Variants in ATXN7L1 observed in about 807,000 individuals in gnomAD.
ATXN7L1 encodes the protein ataxin-7-like protein 1.
Under a neutral mutation model 70.8 loss-of-function variants are expected in ATXN7L1, and 15 were observed. That is an observed-to-expected ratio of 0.21 (90% CI 0.14 to 0.33). The LOEUF (loss-of-function observed/expected upper bound fraction) is 0.33, where lower values mean the gene tolerates loss of function less well. Among genes scored for constraint, ATXN7L1 ranks in the 10% least tolerant of loss-of-function variants. The pLI, the probability that ATXN7L1 is intolerant of heterozygous loss-of-function variation, is 1.00. For synonymous variants in ATXN7L1, 440 were observed against 445.1 expected (o/e 0.99, Z 0.14); for missense variants, 975 against 1,097.1 (o/e 0.89, Z 1.57).
intron 4 of ATXN7L1, among the ~76,000 whole-genome samples, chr7:105,656,045 C>T (rs1253763560): frequency 1.3e-5 from 2 of 152,258 alleles, no homozygotes; most frequent in Non-Finnish European, 2.9e-5. Context: ...GGCAACAAGC[C>T]ATCCAGGGGA....
At chr7:105,696,906 C>G (rs2116222177) in intron 3 of ATXN7L1, among the ~76,000 whole-genome samples, 1 of 152,284 alleles carries the variant, frequency 6.6e-6, no homozygotes, top group East Asian at 1.9e-4. Flanking sequence ...AATTTTAAAG[C>G]TGGGCGTCCG....
At chr7:105,860,223 G>T (rs367835640) in intron 2 of ATXN7L1, among the ~76,000 whole-genome samples, 3 of 146,250 alleles carry the variant, frequency 2.1e-5, no homozygotes, top group African/African-American at 7.6e-5. Context: ...TCATGGTACC[G>T]TTATTTCAAC....
At chr7:105,853,508 C>G (rs992269354) in intron 2 of ATXN7L1, among the ~76,000 whole-genome samples, 4 of 149,856 alleles carry the variant, frequency 2.7e-5, no homozygotes, top group Non-Finnish European at 5.9e-5. Flanking sequence ...GAGCAGAGAT[C>G]GCACCATTAC....
intron 3 of ATXN7L1, among the ~76,000 whole-genome samples, chr7:105,692,407 T>TTCCTTCCTTCCTTCCTTCCC (rs1554431619): frequency 4.9e-5 from 4 of 82,258 alleles, no homozygotes; most frequent in African/African-American, 1.7e-4. Context: ...CCTTCCTTCC[T>TTCCTTCCTTCCTTCCTTCCC]TCCTTCCTTC....
intron 1 of ATXN7L1, 21 bp from the exon 2 acceptor site, chr7:105,875,901 G>T: frequency 6.2e-7 from 1 of 1,608,456 alleles, no homozygotes; most frequent in African/African-American, 1.3e-5. Context: ...AAAAGAAAAG[G>T]AAAACAGAAA....
intron 3 of ATXN7L1, among the ~76,000 whole-genome samples, chr7:105,752,699 A>G (rs1055390769): frequency 1.3e-5 from 2 of 152,224 alleles, no homozygotes; most frequent in Non-Finnish European, 2.9e-5. Flanking sequence ...TTTCATCGCA[A>G]GAAGAGCATA....
intron 2 of ATXN7L1, among the ~76,000 whole-genome samples, chr7:105,837,783 C>A (rs1300802103): frequency 1.3e-5 from 2 of 152,168 alleles, no homozygotes; most frequent in Non-Finnish European, 2.9e-5. Flanking sequence ...TCCCTGGCCA[C>A]CCTTCTCCAC....
At chr7:105,665,904 C>A (rs751958836) in intron 3 of ATXN7L1, among the ~76,000 whole-genome samples, 1 of 152,166 alleles carries the variant, frequency 6.6e-6, no homozygotes, top group African/African-American at 2.4e-5. Flanking sequence ...AGGATGTCAA[C>A]GCTTGAGGCA....
chr7:105,791,040 G>A (rs1346533291), intron 2 of ATXN7L1, among the ~76,000 whole-genome samples: 1 of 152,248 alleles, frequency 6.6e-6, no homozygotes, highest in East Asian at 1.9e-4. Context: ...CAGGCTCTGT[G>A]CTGCATTCCC....
chr7:105,670,511 T>C (rs939773216), intron 3 of ATXN7L1, among the ~76,000 whole-genome samples: 1 of 152,252 alleles, frequency 6.6e-6, no homozygotes, highest in African/African-American at 2.4e-5. Flanking sequence ...AATCAATGGA[T>C]ATTTTGGACT....
At chr7:105,778,723 T>C (rs1803127877) in intron 3 of ATXN7L1, among the ~76,000 whole-genome samples, 1 of 152,266 alleles carries the variant, frequency 6.6e-6, no homozygotes, top group South Asian at 2.1e-4. Context: ...ATCTGCTCAT[T>C]TGTTGGGGAT....
At chr7:105,663,200 C>T (rs1188243880) in intron 4 of ATXN7L1, among the ~76,000 whole-genome samples, 2 of 152,192 alleles carry the variant, frequency 1.3e-5, no homozygotes, top group African/African-American at 2.4e-5. Context: ...TGGGCAAACA[C>T]CACTCTCCGG....
intron 7 of ATXN7L1, among the ~76,000 whole-genome samples, chr7:105,636,695 C>T (rs886404378): frequency 3.3e-5 from 5 of 152,110 alleles, no homozygotes; most frequent in African/African-American, 1.2e-4. Flanking sequence ...GTGCCTCCAT[C>T]AGTCAAAAAT....
rs1563042391 is a variant in ATXN7L1 at position 105,727,764 on chromosome 7, AT to A, written c.355+60839del. 5.0e-4 allele frequency among the ~76,000 whole-genome samples: 46 copies of A among 92,880 alleles called. 2 individuals are homozygous for A. In the South Asian group the frequency reaches 0.018, roughly 37 times the overall value. The allele number at this position is 92,880 out of a possible 152,430, so 60.9% of individuals were successfully genotyped here. A position where few individuals can be genotyped will look rare whatever the true frequency, so the allele number is the denominator to read the frequency against. ...TATGTGTGTATATATATATATATAT[AT>A]ATATATATATATACACACACATACA... is the stretch of plus-strand genomic sequence containing the variant. On this transcript the variant is annotated intron_variant, in intron 3 of 11. Transcript: ENST00000419735.
At chr7:105,738,974 A>C (rs548617) in intron 3 of ATXN7L1, among the ~76,000 whole-genome samples, 94,071 of 152,072 alleles carry the variant, frequency 0.62, 31,977 homozygotes, top group East Asian at 0.93. Context: ...AAAAATTTGC[A>C]ACCAAGGTCC....
intron 10 of ATXN7L1, among the ~76,000 whole-genome samples, chr7:105,612,096 G>GT (rs1388061632): frequency 1.3e-5 from 2 of 152,190 alleles, no homozygotes; most frequent in Non-Finnish European, 2.9e-5. Context: ...GCAGACCAAA[G>GT]TATCAACAGA....
intron 3 of ATXN7L1, among the ~76,000 whole-genome samples, chr7:105,699,562 G>C (rs1458739542): frequency 6.6e-6 from 1 of 152,214 alleles, no homozygotes; most frequent in Non-Finnish European, 1.5e-5. Context: ...GACTGCAGCT[G>C]TCAAACTTTT....
chr7:105,663,184 G>T (rs751284708), intron 4 of ATXN7L1, among the ~76,000 whole-genome samples: 3 of 152,160 alleles, frequency 2.0e-5, no homozygotes, highest in South Asian at 2.1e-4. Context: ...TCACATCGCC[G>T]GTGGGTGGGC....
chr7:105,615,218 T>C (rs1307990506), intron 9 of ATXN7L1, among the ~76,000 whole-genome samples: 2 of 152,096 alleles, frequency 1.3e-5, no homozygotes, highest in African/African-American at 4.8e-5. Flanking sequence ...GAAGTGATCA[T>C]TTCACATGTA....
Sources: gnomAD v4.1 joint callset for allele counts (sites outside exome capture counted in the v4.1 genomes callset) on GRCh38, gnomAD v4.1.1 for gene constraint, MANE v1.5 for transcripts, NCBI Gene and HGNC (gene_info 2026-07-23, HGNC 2026-07-21) for gene names.